Variants in DPP10 observed in about 807,000 individuals in gnomAD.
DPP10 encodes dipeptidyl peptidase like 10.
A neutral mutation model predicts 120.9 loss-of-function variants in DPP10; 33 were observed. The observed-to-expected ratio is 0.27, with a 90% CI of 0.21 to 0.37. The LOEUF (loss-of-function observed/expected upper bound fraction) is 0.37, where lower values mean the gene tolerates loss of function less well. Among genes scored for constraint, DPP10 ranks in the 10% least tolerant of loss-of-function variants. The probability of loss-of-function intolerance (pLI) is 1.00; values close to 1 mark genes in which losing one functional copy is unlikely to be tolerated. For missense variants in DPP10, 816 were observed against 942.8 expected, an observed-to-expected ratio of 0.87 and a Z score of 1.76; for synonymous variants, 337 against 326.1, an observed-to-expected ratio of 1.03 and a Z score of -0.36.
At chr2:114,468,616 C>T (rs1018896236) in intron 1 of DPP10, among the ~76,000 whole-genome samples, 31 of 152,058 alleles carry the variant, frequency 2.0e-4, no homozygotes, top group Admixed American at 1.4e-3. Flanking sequence ...AAATAGTGTA[C>T]ATTTGCTGTG....
intron 1 of DPP10, among the ~76,000 whole-genome samples, chr2:114,599,368 A>T (rs1440666741): frequency 6.6e-6 from 1 of 151,692 alleles, no homozygotes; most frequent in African/African-American, 2.4e-5. Flanking sequence ...AAGTGCCTTC[A>T]TTTTCCTTTG....
At chr2:114,638,523 A>C (rs1695469444) in intron 1 of DPP10, among the ~76,000 whole-genome samples, 1 of 151,916 alleles carries the variant, frequency 6.6e-6, no homozygotes, top group South Asian at 2.1e-4. Context: ...AGTGAAGCAA[A>C]ATGTTCATCA....
At chr2:115,165,516 G>A (rs1323975947) in intron 1 of DPP10, among the ~76,000 whole-genome samples, 1 of 152,128 alleles carries the variant, frequency 6.6e-6, no homozygotes, top group Non-Finnish European at 1.5e-5. Context: ...TCACAGCTCT[G>A]CTAATTTTAG....
At chr2:115,802,931 T>C (rs1465281551) in intron 19 of DPP10, among the ~76,000 whole-genome samples, 1 of 152,204 alleles carries the variant, frequency 6.6e-6, no homozygotes, top group Non-Finnish European at 1.5e-5. Context: ...GAGAGTTCTG[T>C]AGATGTCTAT....
chr2:115,621,909 C>G (rs2084976181), intron 5 of DPP10, among the ~76,000 whole-genome samples: 2 of 152,064 alleles, frequency 1.3e-5, no homozygotes, highest in Admixed American at 1.3e-4. Flanking sequence ...AACTCCTGAC[C>G]TCAGGTGGTC....
chr2:114,821,397 T>C (rs1179197890), intron 1 of DPP10, among the ~76,000 whole-genome samples: 1 of 151,400 alleles, frequency 6.6e-6, no homozygotes, highest in African/African-American at 2.4e-5. Context: ...AAAGATTGCC[T>C]GCCAGGCTCT....
rs371545423 is a variant in DPP10 at position 114,854,711 on chromosome 2, T to C, written c.60+411873T>C. 1.5e-3 allele frequency among the ~76,000 whole-genome samples: 227 copies of C among 152,318 alleles called. 3 individuals carry two copies. The highest frequency in any genetic ancestry group is 4.9e-3 in the African/African-American group (202 of 41,580). Reference sequence around the variant, plus strand: ...AGGATAGAGCTCCAGAATATTGCCATTGAACAAATAGTAAAAGAATAGAAT... The same window carrying C: ...AGGATAGAGCTCCAGAATATTGCCACTGAACAAATAGTAAAAGAATAGAAT... On this transcript the variant is annotated intron_variant, in intron 1 of 25. Coordinates refer to ENST00000410059, the MANE Select transcript of DPP10 (RefSeq NM_020868.6).
chr2:114,547,519 T>C (rs1687517330), intron 1 of DPP10, among the ~76,000 whole-genome samples: 2 of 152,176 alleles, frequency 1.3e-5, no homozygotes, highest in African/African-American at 4.8e-5. Flanking sequence ...TCACAAATTT[T>C]GTAGCTGACC....
intron 5 of DPP10, among the ~76,000 whole-genome samples, chr2:115,686,556 A>G (rs1434541288): frequency 2.6e-5 from 4 of 152,016 alleles, no homozygotes; most frequent in Non-Finnish European, 5.9e-5. Context: ...AAAATTGTCT[A>G]TACCACTTGT....
At chr2:114,829,193 G>A (rs1280222272) in intron 1 of DPP10, among the ~76,000 whole-genome samples, 1 of 151,900 alleles carries the variant, frequency 6.6e-6, no homozygotes, top group East Asian at 2.0e-4. Flanking sequence ...GGAGGCTGAA[G>A]AAGGAGAACT....
chr2:114,522,125 G>T (rs962939623), intron 1 of DPP10, among the ~76,000 whole-genome samples: 1 of 147,584 alleles, frequency 6.8e-6, no homozygotes, highest in African/African-American at 2.5e-5. Context: ...GACTACAGGC[G>T]CCCGCCACTA....
intron 24 of DPP10, among the ~76,000 whole-genome samples, chr2:115,837,193 C>A (rs1689626033): frequency 6.6e-6 from 1 of 152,198 alleles, no homozygotes; most frequent in South Asian, 2.1e-4. Flanking sequence ...ACATGAAATT[C>A]TAATGAGGTT....
At chr2:114,522,366 T>G (rs1047647309) in intron 1 of DPP10, among the ~76,000 whole-genome samples, 1 of 151,978 alleles carries the variant, frequency 6.6e-6, no homozygotes, top group Admixed American at 6.5e-5. Flanking sequence ...ATAACACCCA[T>G]GATCCTTCAA....
At chr2:115,077,939 G>A (rs577628423) in intron 1 of DPP10, among the ~76,000 whole-genome samples, 1 of 152,304 alleles carries the variant, frequency 6.6e-6, no homozygotes, top group Admixed American at 6.5e-5. Context: ...TTCTGTTGAA[G>A]CCTCTCAAAA....
chr2:114,479,807 A>G (rs1374890903), intron 1 of DPP10, among the ~76,000 whole-genome samples: 5 of 152,252 alleles, frequency 3.3e-5, no homozygotes, highest in Non-Finnish European at 7.3e-5. Context: ...GGCATGGGCA[A>G]GGACTTCATG....
At chr2:115,092,810 T>C (rs1369598892) in intron 1 of DPP10, among the ~76,000 whole-genome samples, 1 of 152,132 alleles carries the variant, frequency 6.6e-6, no homozygotes, top group East Asian at 1.9e-4. Flanking sequence ...TAATAAGTGA[T>C]GAAGTATTAT....
chr2:115,679,519 C>A (rs1379534221), intron 5 of DPP10, among the ~76,000 whole-genome samples: 2 of 152,176 alleles, frequency 1.3e-5, no homozygotes, highest in African/African-American at 4.8e-5. Context: ...AATTAAACCT[C>A]TTTTCTTTGT....
intron 1 of DPP10, among the ~76,000 whole-genome samples, chr2:114,477,930 C>CATATGTGTATATATGTACATATATGTGT (rs1427069720): frequency 7.4e-6 from 1 of 134,390 alleles, no homozygotes. Flanking sequence ...TATATATGTA[C>CATATGTGTATATATGTACATATATGTGT]ATATGTGTAT....
chr2:114,827,190 C>T (rs538148811), intron 1 of DPP10, among the ~76,000 whole-genome samples: 1 of 152,208 alleles, frequency 6.6e-6, no homozygotes, highest in Admixed American at 6.5e-5. Context: ...GACTTTATAA[C>T]TAAGCCATGG....
Sources: gnomAD v4.1 joint callset for allele counts (sites outside exome capture counted in the v4.1 genomes callset) on GRCh38, gnomAD v4.1.1 for gene constraint, MANE v1.5 for transcripts, NCBI Gene and HGNC (gene_info 2026-07-23, HGNC 2026-07-21) for gene names.